NLRP12: variants seen among roughly 807,000 people sequenced by gnomAD.
NLRP12 encodes the protein NLR family pyrin domain containing 12.
Under a neutral mutation model 91.2 loss-of-function variants are expected in NLRP12, and 108 were observed. That is an observed-to-expected ratio of 1.18 (90% CI 1.01 to 1.39). The LOEUF is 1.39. NLRP12 is among the 40% of genes most tolerant of loss of function. NLRP12 has a pLI of 0.00. For synonymous variants in NLRP12, 613 were observed against 566.7 expected, an observed-to-expected ratio of 1.08 and a Z score of -1.16; for missense variants, 1,530 against 1,352.7, an observed-to-expected ratio of 1.13 and a Z score of -2.06.
chr19:53,805,444 C>T lies in NLRP12; in HGVS notation c.2250G>A (p.Lys750=). The change falls in exon 5 of 10, where the codon AAG becomes AAA. Residue 750 remains lysine, a synonymous_variant. Coordinates refer to ENST00000324134, the MANE Select transcript of NLRP12 (RefSeq NM_144687.4). ...AGGCTGAGCTGGAGATGCGGCACCT[C>T]TTCAGCCTGGGGTGGAAAAGAGGAG... ...PNCKLQNLRL[K]RCRISSSACE... is the part of the protein sequence containing the mutation. 6.2e-7 allele frequency: 1 copy of T among 1,613,746 alleles called. No homozygotes were observed. Among genetic ancestry groups the T allele is most frequent in the Non-Finnish European group, 8.5e-7 (1 of 1,179,970 alleles).
intron 1 of NLRP12, among the ~76,000 whole-genome samples, chr19:53,823,476 AT>A (rs1396015282): frequency 7.2e-4 from 77 of 107,364 alleles, no homozygotes; most frequent in African/African-American, 2.5e-3. Context: ...TATATTTAAA[AT>A]ATATATTTTA....
intron 1 of NLRP12, among the ~76,000 whole-genome samples, chr19:53,823,264 TTATA>T (rs965815791): frequency 5.9e-4 from 83 of 140,530 alleles, no homozygotes; most frequent in African/African-American, 1.5e-3. Flanking sequence ...TATTTATTAT[TTATA>T]TATATTTATA....
At chr19:53,823,015 G>A (rs555779055) in intron 1 of NLRP12, among the ~76,000 whole-genome samples, 12 of 151,198 alleles carry the variant, frequency 7.9e-5, no homozygotes, top group African/African-American at 2.7e-4. Context: ...TGACCCACCC[G>A]CCTTGGCCTC....
At chr19:53,813,299 C>CTTTTTTTTTTTTTTTTTTTTTTTCTTTTT in intron 2 of NLRP12, among the ~76,000 whole-genome samples, 1 of 86,034 alleles carries the variant, frequency 1.2e-5, no homozygotes, top group Non-Finnish European at 2.2e-5. Context: ...TTTTTCTTTT[C>CTTTTTTTTTTTTTTTTTTTTTTTCTTTTT]TTTTTTTTTT....
intron 6 of NLRP12, among the ~76,000 whole-genome samples, chr19:53,802,429 C>A (rs577103365): frequency 5.2e-4 from 79 of 150,906 alleles, no homozygotes; most frequent in African/African-American, 1.9e-3. Context: ...AGAATGCGGC[C>A]GGGCATGGTG....
intron 2 of NLRP12, 67 bp from the exon 3 acceptor site, chr19:53,811,355 A>G (rs1339012828): frequency 1.3e-6 from 2 of 1,571,552 alleles, no homozygotes; most frequent in Admixed American, 3.3e-5. Context: ...CACGAGGTAA[A>G]GCGCTCCTCA....
chr19:53,810,424 G>T lies in NLRP12; in HGVS notation c.1235C>A (p.Thr412Asn). The T allele has an allele frequency of 6.2e-7, 1 of 1,613,922 alleles. No individual in the cohort carries two copies. Among genetic ancestry groups the T allele is most frequent in the Non-Finnish European group, 8.5e-7 (1 of 1,180,006 alleles). Residue 412 changes from threonine to asparagine, a missense_variant, in exon 3 of 10, where the codon ACC (threonine) becomes AAC (asparagine). Physicochemically the swap from Thr to Asn is moderately conservative, Grantham distance 65 (BLOSUM62 0). Coordinates refer to ENST00000324134, the MANE Select transcript of NLRP12 (RefSeq NM_144687.4). Reference protein sequence around the residue: ...FVPLVCWVVCTCLQQQLEGGG... With the variant: ...FVPLVCWVVCNCLQQQLEGGG... ...ACCCTCCAGCTGCTGCTGGAGGCAG[G>T]TACACACCACCCAGCACACCAGGGG...
chr19:53,811,650 T>A, intron 2 of NLRP12, among the ~76,000 whole-genome samples: 1 of 151,022 alleles, frequency 6.6e-6, no homozygotes, highest in Non-Finnish European at 1.5e-5. Context: ...CCCTGCAACA[T>A]CCACCTCCTG....
intron 4 of NLRP12, among the ~76,000 whole-genome samples, chr19:53,807,229 T>C (rs1252874272): frequency 6.6e-6 from 1 of 151,900 alleles, no homozygotes; most frequent in Non-Finnish European, 1.5e-5. Context: ...CACCACACCC[T>C]CCTGATTTTT....
intron 4 of NLRP12, among the ~76,000 whole-genome samples, chr19:53,806,679 C>CAAAAA (rs58275455): frequency 2.5e-4 from 11 of 43,378 alleles, no homozygotes; most frequent in East Asian, 7.6e-4. Flanking sequence ...GACTCCGTCT[C>CAAAAA]AAAAAAAAAA....
At chr19:53,819,043 G>T (rs1251248309) in intron 1 of NLRP12, among the ~76,000 whole-genome samples, 1 of 152,110 alleles carries the variant, frequency 6.6e-6, no homozygotes, top group African/African-American at 2.4e-5. Flanking sequence ...TAGACTAAAC[G>T]GATGCAGTCC....
chr19:53,795,107 CGTGTGTGT>C (rs56027837), intron 9 of NLRP12, among the ~76,000 whole-genome samples: 25 of 85,494 alleles, frequency 2.9e-4, no homozygotes, highest in Middle Eastern at 5.7e-3. Flanking sequence ...CTGGTGTGTG[CGTGTGTGT>C]GTGTGTGTGT....
intron 1 of NLRP12, among the ~76,000 whole-genome samples, chr19:53,818,019 G>A (rs938735067): frequency 8.6e-5 from 13 of 151,500 alleles, no homozygotes; most frequent in Admixed American, 7.9e-4. Context: ...CTAGTCTCAA[G>A]TGATTCACGT....
rs200679354 is a variant in NLRP12, at chr19:53,810,907, T to C, written c.752A>G (p.Asn251Ser). 123 of 1,614,070 alleles carry C rather than the reference T, an allele frequency of 7.6e-5. No individual in the cohort carries two copies. Among genetic ancestry groups the C allele is most frequent in the Middle Eastern group, 4.9e-4 (3 of 6,062 alleles). The stretch of plus-strand genomic sequence containing the variant: ...GGCACTCTGGTTCATCTCCCTGCAG[T>C]TGATGTAGAAGAGATAATCAAATCT... Reference protein sequence around the residue: ...QGRFDYLFYINCREMNQSATE... With the variant: ...QGRFDYLFYISCREMNQSATE... The change falls in exon 3 of 10, where the codon AAC becomes AGC. Residue 251 changes from asparagine to serine, a missense_variant. By Grantham distance (46) the Asn-to-Ser change is conservative. Transcript: ENST00000324134.
intron 2 of NLRP12, among the ~76,000 whole-genome samples, chr19:53,813,303 T>TTTC (rs201709249): frequency 0.066 from 7,292 of 110,056 alleles, 320 homozygotes; most frequent in South Asian, 0.15. Flanking sequence ...TCTTTTCTTT[T>TTTC]TTTTTTTTTT....
At position 53,810,378 on chromosome 19, in the gene NLRP12, C is replaced by A. The variant is rs528087095; in HGVS notation, c.1281G>T (p.Thr427=). 1.2e-6 allele frequency: 2 copies of A among 1,613,536 alleles called. No individual in the cohort carries two copies. Among genetic ancestry groups the A allele is most frequent in the Admixed American group, 1.7e-5 (1 of 59,982 alleles). Residue 427 remains threonine, a synonymous_variant, in exon 3 of 10, where the codon ACG becomes ACT. Coordinates refer to ENST00000324134, the MANE Select transcript of NLRP12 (RefSeq NM_144687.4). Reference sequence around the variant, plus strand: ...TGTACACTGCAGTGGTGGTCCTGGACGTCTGTCTCAACAGCCCCCCACCCT... The same window carrying A: ...TGTACACTGCAGTGGTGGTCCTGGAAGTCTGTCTCAACAGCCCCCCACCCT... ...QLEGGGLLRQ[T]SRTTTAVYML...
Position 53,809,818 on chromosome 19 carries a change from A to G in NLRP12, c.1841T>C (p.Phe614Ser). 1 of 1,614,094 alleles carries G rather than the reference A, an allele frequency of 6.2e-7. No homozygotes were observed. Among genetic ancestry groups the G allele is most frequent in the Non-Finnish European group, 8.5e-7 (1 of 1,179,992 alleles). Residue 614 changes from phenylalanine (F) to serine (S), a missense_variant, in exon 3 of 10, where the codon TTC (phenylalanine) becomes TCC (serine). Coordinates refer to ENST00000324134, the MANE Select transcript of NLRP12 (RefSeq NM_144687.4). ...CTCCTGGATCTCGTACAAGCAGCTG[A>G]AGAACTCCAAGGAGCCCTGCTGCAG... is the stretch of plus-strand genomic sequence containing the variant. ...STLQQGSLEF[F>S]SCLYEIQEEE...
chr19:53,823,489 A>ATAT lies in NLRP12; in HGVS notation c.289+396_289+397insATA, dbSNP rs1568703158. ...TATATATTTAAAATATATATTTTAA[A>ATAT]ATATATTTATTTAAAATATATATTT... On this transcript the variant is annotated intron_variant, in intron 1 of 9. Coordinates refer to ENST00000324134, the MANE Select transcript of NLRP12 (RefSeq NM_144687.4). Among the ~76,000 whole-genome samples the ATAT allele has an allele frequency of 3.9e-3, 309 of 78,630 alleles. 4 individuals carry two copies. Among genetic ancestry groups the ATAT allele is most frequent in the African/African-American group, 0.015 (272 of 18,560 alleles). The allele number at this position is 78,630 out of a possible 152,430, so 51.6% of individuals were successfully genotyped here. A position where few individuals can be genotyped will look rare whatever the true frequency, so the allele number is the denominator to read the frequency against.
At chr19:53,809,315 G>A (rs2092014099) in intron 3 of NLRP12, among the ~76,000 whole-genome samples, 1 of 151,144 alleles carries the variant, frequency 6.6e-6, no homozygotes, top group South Asian at 2.1e-4. Context: ...GGCAGATCAC[G>A]AGGTCAAGAG....
Sources: gnomAD v4.1 joint callset for allele counts (sites outside exome capture counted in the v4.1 genomes callset) on GRCh38, gnomAD v4.1.1 for gene constraint, MANE v1.5 for transcripts, NCBI Gene and HGNC (gene_info 2026-07-23, HGNC 2026-07-21) for gene names.